The following DCLK2 variants were observed in gnomAD, a reference collection of about 807,000 sequenced individuals.
The protein encoded by DCLK2 is doublecortin like kinase 2.
In DCLK2, 31 loss-of-function variants were observed where a neutral mutation model predicts 78.4. The observed-to-expected ratio is 0.40, with a 90% CI of 0.30 to 0.53. DCLK2 has a LOEUF of 0.53. Ranked by LOEUF, DCLK2 falls within the 20% of genes least tolerant of loss-of-function variation. DCLK2 has a pLI of 0.61. For missense variants in DCLK2, 872 were observed against 973.7 expected, an observed-to-expected ratio of 0.90 and a Z score of 1.39; for synonymous variants, 407 against 374.9, an observed-to-expected ratio of 1.09 and a Z score of -0.99.
chr4:150,150,126 T>G (rs867751672), intron 2 of DCLK2, among the ~76,000 whole-genome samples: 19 of 152,232 alleles, frequency 1.2e-4, no homozygotes, highest in Middle Eastern at 3.4e-3. Flanking sequence ...TGAAATAAAT[T>G]TAAAAAAATA....
chr4:150,104,853 G>T (rs753032676), intron 2 of DCLK2, among the ~76,000 whole-genome samples: 1 of 152,092 alleles, frequency 6.6e-6, no homozygotes, highest in Non-Finnish European at 1.5e-5. Context: ...TCTATGACAG[G>T]TCCAAGATAA....
chr4:150,186,003 A>T (rs1737903948), intron 2 of DCLK2, among the ~76,000 whole-genome samples: 1 of 152,156 alleles, frequency 6.6e-6, no homozygotes, highest in African/African-American at 2.4e-5. Flanking sequence ...ATCCTAACTG[A>T]TTGCTTTAAT....
At chr4:150,172,068 C>T (rs530962675) in intron 2 of DCLK2, among the ~76,000 whole-genome samples, 1 of 152,308 alleles carries the variant, frequency 6.6e-6, no homozygotes, top group Admixed American at 6.5e-5. Flanking sequence ...TTAGTTGTTG[C>T]TCCTCCAGTG....
chr4:150,114,473 C>T (rs1321081342), intron 2 of DCLK2, among the ~76,000 whole-genome samples: 3 of 152,128 alleles, frequency 2.0e-5, no homozygotes, highest in Non-Finnish European at 4.4e-5. Flanking sequence ...TACTTTTCTT[C>T]ATCGTGGTAT....
At chr4:150,171,216 C>CA (rs1399572984) in intron 2 of DCLK2, among the ~76,000 whole-genome samples, 3 of 152,194 alleles carry the variant, frequency 2.0e-5, no homozygotes, top group Non-Finnish European at 4.4e-5. Context: ...CGCGGTGGCT[C>CA]ACGCCTGTAA....
intron 15 of DCLK2, chr4:150,253,671 G>A (rs1347682967): frequency 3.2e-6 from 4 of 1,240,830 alleles, no homozygotes; most frequent in East Asian, 5.7e-5. Flanking sequence ...ACTGGTGTGG[G>A]TCTTTTGTAC....
chr4:150,160,219 C>T (rs907302283), intron 2 of DCLK2, among the ~76,000 whole-genome samples: 1 of 152,000 alleles, frequency 6.6e-6, no homozygotes, highest in African/African-American at 2.4e-5. Context: ...GATTTCACCA[C>T]GTTGCCCAGG....
intron 2 of DCLK2, among the ~76,000 whole-genome samples, chr4:150,145,474 C>T (rs1277632801): frequency 1.3e-5 from 2 of 152,160 alleles, no homozygotes; most frequent in Admixed American, 6.5e-5. Flanking sequence ...TACTTGAACA[C>T]TTTAATACTT....
At chr4:150,135,081 G>T (rs1253467454) in intron 2 of DCLK2, among the ~76,000 whole-genome samples, 1 of 151,790 alleles carries the variant, frequency 6.6e-6, no homozygotes, top group Non-Finnish European at 1.5e-5. Context: ...CAATTTATGG[G>T]CTAAATTTTG....
At chr4:150,120,113 T>G (rs1326016897) in intron 2 of DCLK2, among the ~76,000 whole-genome samples, 1 of 152,258 alleles carries the variant, frequency 6.6e-6, no homozygotes, top group Non-Finnish European at 1.5e-5. Context: ...GGGTCATTTA[T>G]TCATCATGCC....
chr4:150,197,843 T>C (rs1391149647), intron 3 of DCLK2, among the ~76,000 whole-genome samples, 159 bp from the exon 4 acceptor site: 1 of 151,776 alleles, frequency 6.6e-6, no homozygotes, highest in East Asian at 1.9e-4. Flanking sequence ...GAAGGTAAAC[T>C]CAGGTGTACT....
chr4:150,197,977 T>C, intron 3 of DCLK2, 25 bp from the exon 4 acceptor site: 1 of 1,589,236 alleles, frequency 6.3e-7, no homozygotes, highest in African/African-American at 1.4e-5. Flanking sequence ...CCAGATTTAG[T>C]TAATGCACTT....
chr4:150,133,047 TACTC>T (rs1733437039), intron 2 of DCLK2, among the ~76,000 whole-genome samples: 1 of 152,248 alleles, frequency 6.6e-6, no homozygotes, highest in Non-Finnish European at 1.5e-5. Context: ...ACATCATTAT[TACTC>T]ACGACTTAAA....
chr4:150,208,218 C>T (rs1158864286), intron 5 of DCLK2, among the ~76,000 whole-genome samples: 1 of 152,056 alleles, frequency 6.6e-6, no homozygotes, highest in Non-Finnish European at 1.5e-5. Flanking sequence ...TTTTGTAGAA[C>T]AAAAACCAAA....
chr4:150,138,982 G>C (rs1733912746), intron 2 of DCLK2, among the ~76,000 whole-genome samples: 1 of 137,954 alleles, frequency 7.2e-6, no homozygotes, highest in Non-Finnish European at 1.5e-5. Context: ...AAATTTTTGA[G>C]TTTTTAAATT....
chr4:150,232,453 C>A lies in DCLK2; in HGVS notation c.1416C>A (p.Val472=). The change falls in exon 9 of 16, where the codon GTC becomes GTA. Residue 472 remains valine, a synonymous_variant. Coordinates refer to ENST00000296550, the MANE Select transcript of DCLK2 (RefSeq NM_001040260.4). ...AGCTCTTTCTGGTGATGGAATTGGT[C>A]AAAGTAAGAGGATAGAGAGATTTTC... ...ATELFLVMEL[V]KGGDLFDAIT... is the part of the protein sequence containing the mutation. The A allele has an allele frequency of 1.2e-6, 2 of 1,613,656 alleles. No individual in the cohort carries two copies. Among genetic ancestry groups the A allele is most frequent in the South Asian group, 2.2e-5 (2 of 90,970 alleles).
intron 2 of DCLK2, among the ~76,000 whole-genome samples, chr4:150,178,165 C>G (rs1217406239): frequency 6.6e-6 from 1 of 152,162 alleles, no homozygotes; most frequent in East Asian, 1.9e-4. Context: ...ACAGTCATAA[C>G]CTTTCTATGG....
rs538167874 is a variant in DCLK2 at position 150,078,861 on chromosome 4, T to TCGGCTCCTCCG, written c.-157_-147dup. On this transcript the variant is annotated 5_prime_UTR_variant, in exon 1 of 16. Transcript: ENST00000296550. Reference sequence around the variant, plus strand: ...ACTTTTAGCTGAGGGCGCGGGCGGGTCGGCTCCTCCGCGGCTCCTCGGCCC... The same window carrying TCGGCTCCTCCG: ...ACTTTTAGCTGAGGGCGCGGGCGGGTCGGCTCCTCCGCGGCTCCTCCGCGGCTCCTCGGCCC... 9.5e-3 allele frequency: 7,901 copies of TCGGCTCCTCCG among 830,650 alleles called. 514 individuals are homozygous for TCGGCTCCTCCG. The African/African-American group carries it at 0.13, about 14-fold the overall frequency. The allele number at this position is 830,650 out of a possible 1,614,324, so 51.5% of individuals were successfully genotyped here.
rs1232223411 is a variant in DCLK2, at chr4:150,168,072, G to A, written c.757-25066G>A. 3.9e-5 allele frequency among the ~76,000 whole-genome samples: 6 copies of A among 152,136 alleles called. No homozygotes were observed. In the East Asian group the frequency reaches 5.8e-4, roughly 15 times the overall value. On this transcript the variant is annotated intron_variant, in intron 2 of 15. Transcript: ENST00000296550. ...TAAAACCCCAAGTCAGGCCAGGTGC[G>A]GTGGCTCACGCCTGTAATCCCAGCA...
Sources: gnomAD v4.1 joint callset for allele counts (sites outside exome capture counted in the v4.1 genomes callset) on GRCh38, gnomAD v4.1.1 for gene constraint, MANE v1.5 for transcripts, NCBI Gene and HGNC (gene_info 2026-07-23, HGNC 2026-07-21) for gene names.